Variants in DYM observed in about 807,000 individuals in gnomAD.
DYM encodes dymeclin.
In DYM, 78 loss-of-function variants were observed where a neutral mutation model predicts 93.1. The observed-to-expected ratio is 0.84, with a 90% CI of 0.70 to 1.01. DYM has a LOEUF of 1.01. Ranked by LOEUF, DYM falls within the 50% of genes least tolerant of loss-of-function variation. The probability of loss-of-function intolerance (pLI) is 0.00; values close to 1 mark genes in which losing one functional copy is unlikely to be tolerated. For synonymous variants in DYM, 321 were observed against 319.7 expected (o/e 1.00, Z -0.04); for missense variants, 789 against 845.0 (o/e 0.93, Z 0.82).
chr18:49,259,346 C>A (rs900774042), intron 11 of DYM, among the ~76,000 whole-genome samples: 25 of 152,208 alleles, frequency 1.6e-4, no homozygotes, highest in Admixed American at 3.3e-4. Context: ...TCAAGACTCT[C>A]TTCTAATTAC....
chr18:49,231,866 G>T (rs1358110299), intron 13 of DYM, among the ~76,000 whole-genome samples: 1 of 152,282 alleles, frequency 6.6e-6, no homozygotes, highest in Non-Finnish European at 1.5e-5. Context: ...CTTGAAGAGG[G>T]TCACATCAAC....
At chr18:49,196,438 T>TTTACAC (rs148605278) in intron 14 of DYM, among the ~76,000 whole-genome samples, 1 of 150,156 alleles carries the variant, frequency 6.7e-6, no homozygotes, top group Non-Finnish European at 1.5e-5. Context: ...GATCAGTGGT[T>TTTACAC]ACACACACAC....
At chr18:49,191,154 C>A (rs1212462826) in intron 14 of DYM, among the ~76,000 whole-genome samples, 4 of 152,122 alleles carry the variant, frequency 2.6e-5, no homozygotes, top group Non-Finnish European at 4.4e-5. Context: ...AGTAACTATA[C>A]TTCAGAATCC....
intron 14 of DYM, among the ~76,000 whole-genome samples, chr18:49,205,416 T>C (rs182254925): frequency 9.1e-4 from 139 of 152,248 alleles, no homozygotes; most frequent in African/African-American, 3.2e-3. Context: ...ATCACTCCAG[T>C]CTTAGGACAA....
At chr18:49,292,610 A>G (rs866092996) in intron 8 of DYM, among the ~76,000 whole-genome samples, 12 of 104,224 alleles carry the variant, frequency 1.2e-4, no homozygotes, top group African/African-American at 5.6e-4. Context: ...AAAAAAAAAA[A>G]AAAAAAAAAA....
chr18:49,091,394 A>T (rs1170021283), intron 17 of DYM, among the ~76,000 whole-genome samples: 1 of 152,166 alleles, frequency 6.6e-6, no homozygotes. Flanking sequence ...GGCAGGCATG[A>T]TGGAGAGAGA....
chr18:49,097,422 G>C lies in DYM; in HGVS notation c.2005C>G (p.Leu669Val). ...LEIIKQGVVA[L>V]PKDRLKKFPE... The stretch of plus-strand genomic sequence containing the variant: ...CTTACCTTCAGTCTGTCTTTGGGCA[G>C]CGCAACGACGCCTTGCTTAATGATT... The change falls in exon 17 of 18, where the codon CTG (leucine) becomes GTG (valine). Residue 669 changes from leucine to valine, a missense_variant. This residue lies in a region of DYM where 114 missense variants were observed against 105.8 expected (regional missense o/e 1.08). Transcript: ENST00000675505. 1 of 1,613,988 alleles carries C rather than the reference G, an allele frequency of 6.2e-7. No homozygotes were observed. The highest frequency in any genetic ancestry group is 8.5e-7 in the Non-Finnish European group (1 of 1,179,906).
intron 13 of DYM, among the ~76,000 whole-genome samples, chr18:49,212,190 A>T (rs1250582220): frequency 6.6e-6 from 1 of 152,224 alleles, no homozygotes; most frequent in Admixed American, 6.5e-5. Flanking sequence ...ATTCCAGATT[A>T]AAAAAGATGA....
chr18:49,093,603 T>C (rs1266734275), intron 17 of DYM, among the ~76,000 whole-genome samples: 1 of 152,100 alleles, frequency 6.6e-6, no homozygotes, highest in East Asian at 1.9e-4. Context: ...ACAGTACTTT[T>C]GAGTTAGAGG....
chr18:49,206,011 G>GTTTTTTTTTTT (rs61590334), intron 14 of DYM: 6 of 136,018 alleles, frequency 4.4e-5, no homozygotes, highest in East Asian at 3.4e-4. Flanking sequence ...TTGTTTTTTT[G>GTTTTTTTTTTT]TTTTTTGCGG....
At chr18:49,259,991 T>TA (rs2094464538) in intron 11 of DYM, among the ~76,000 whole-genome samples, 1 of 152,134 alleles carries the variant, frequency 6.6e-6, no homozygotes, top group South Asian at 2.1e-4. Flanking sequence ...TGGAATTTTT[T>TA]AAAAAAATTC....
intron 16 of DYM, among the ~76,000 whole-genome samples, chr18:49,107,054 A>C (rs2080891517): frequency 6.6e-6 from 1 of 152,212 alleles, no homozygotes; most frequent in Non-Finnish European, 1.5e-5. Context: ...AATCAGACGT[A>C]GATTCGGTCT....
intron 14 of DYM, among the ~76,000 whole-genome samples, chr18:49,179,672 G>A (rs1429776884): frequency 6.6e-6 from 1 of 152,064 alleles, no homozygotes; most frequent in Non-Finnish European, 1.5e-5. Context: ...TCAACATAAG[G>A]TAGATATTAC....
chr18:49,160,957 T>C (rs1196238870), intron 15 of DYM, among the ~76,000 whole-genome samples: 4 of 152,128 alleles, frequency 2.6e-5, no homozygotes, highest in African/African-American at 9.7e-5. Context: ...TGATTCACAG[T>C]CATCTCTCCT....
intron 14 of DYM, among the ~76,000 whole-genome samples, chr18:49,191,372 A>G (rs1029000463): frequency 1.2e-4 from 18 of 152,160 alleles, no homozygotes; most frequent in African/African-American, 4.1e-4. Context: ...AAATCTGCCT[A>G]TAAATGCTTA....
intron 17 of DYM, among the ~76,000 whole-genome samples, chr18:49,077,949 T>C (rs2077448968): frequency 6.6e-6 from 1 of 152,248 alleles, no homozygotes; most frequent in South Asian, 2.1e-4. Flanking sequence ...CATGTAATTA[T>C]TGATATGGTT....
At chr18:49,376,358 A>T (rs1431474410) in intron 5 of DYM, among the ~76,000 whole-genome samples, 1 of 152,230 alleles carries the variant, frequency 6.6e-6, no homozygotes, top group East Asian at 1.9e-4. Flanking sequence ...ATTTAAATAC[A>T]CTCAACCATA....
chr18:49,268,027 T>G (rs972061981), intron 11 of DYM, among the ~76,000 whole-genome samples: 7 of 152,202 alleles, frequency 4.6e-5, no homozygotes, highest in African/African-American at 1.7e-4. Flanking sequence ...TTACTTTTCT[T>G]AAAACTGCAT....
Position 49,286,977 on chromosome 18 carries a change from G to T in DYM, c.764-361C>A, listed in dbSNP as rs139325403. 6.0e-4 allele frequency among the ~76,000 whole-genome samples: 91 copies of T among 152,270 alleles called. 3 individuals are homozygous for T. Among genetic ancestry groups the T allele is most frequent in the African/African-American group, 2.1e-3 (86 of 41,546 alleles). Reference sequence around the variant, plus strand: ...AGAGGCCAAGGCAGGTGGACCAAGAGGTCAGGACTTCGAGACCAGCCTAAC... The same window carrying T: ...AGAGGCCAAGGCAGGTGGACCAAGATGTCAGGACTTCGAGACCAGCCTAAC... On this transcript the variant is annotated intron_variant, in intron 8 of 17. Transcript: ENST00000675505.
Sources: gnomAD v4.1 joint callset for allele counts (sites outside exome capture counted in the v4.1 genomes callset) on GRCh38, gnomAD v4.1.1 for gene constraint, gnomAD v4.1.1 regional missense constraint, MANE v1.5 for transcripts, NCBI Gene and HGNC (gene_info 2026-07-23, HGNC 2026-07-21) for gene names.